DCC: variants seen among roughly 807,000 people sequenced by gnomAD.
DCC encodes the protein DCC netrin 1 receptor.
A neutral mutation model predicts 172.5 loss-of-function variants in DCC; 58 were observed. That is an observed-to-expected ratio of 0.34 (90% CI 0.27 to 0.42). The LOEUF is 0.42. DCC is among the 10% of genes least tolerant of loss of function. The probability of loss-of-function intolerance (pLI) is 1.00; values close to 1 mark genes in which losing one functional copy is unlikely to be tolerated. For missense variants in DCC, 1,740 were observed against 1,791.0 expected (o/e 0.97, Z 0.51); for synonymous variants, 709 against 644.5 (o/e 1.10, Z -1.52).
chr18:52,454,410 G>A (rs574358884), intron 1 of DCC, among the ~76,000 whole-genome samples: 13 of 151,810 alleles, frequency 8.6e-5, no homozygotes, highest in African/African-American at 2.9e-4. Flanking sequence ...CTACCATGAA[G>A]CATCTAAAAT....
At chr18:52,610,446 T>TTGGAAA (rs2034256122) in intron 1 of DCC, among the ~76,000 whole-genome samples, 5 of 145,324 alleles carry the variant, frequency 3.4e-5, no homozygotes, top group African/African-American at 1.3e-4. Context: ...TAAAATACCT[T>TTGGAAA]TGGAAATACT....
intron 25 of DCC, among the ~76,000 whole-genome samples, chr18:53,478,243 A>G (rs1285565976): frequency 1.3e-5 from 2 of 152,218 alleles, no homozygotes; most frequent in African/African-American, 4.8e-5. Flanking sequence ...GTAATCTTTC[A>G]TGCAGGCTAT....
chr18:52,837,235 G>T (rs1163975094), intron 2 of DCC, among the ~76,000 whole-genome samples: 1 of 152,156 alleles, frequency 6.6e-6, no homozygotes, highest in Non-Finnish European at 1.5e-5. Context: ...GACATGCTCT[G>T]GAGACACTTT....
chr18:53,375,248 G>A (rs12957545), intron 15 of DCC, among the ~76,000 whole-genome samples: 62,700 of 151,708 alleles, frequency 0.41, 14,124 homozygotes, highest in African/African-American at 0.59. Flanking sequence ...TATCTTTATA[G>A]TTCTTTCTGT....
At chr18:53,515,790 A>T (rs2046326489) in intron 27 of DCC, among the ~76,000 whole-genome samples, 1 of 151,956 alleles carries the variant, frequency 6.6e-6, no homozygotes, top group Non-Finnish European at 1.5e-5. Context: ...CTGCTCAAGG[A>T]AATAAAAGAG....
At chr18:52,830,551 C>A (rs1382877265) in intron 2 of DCC, among the ~76,000 whole-genome samples, 1 of 151,988 alleles carries the variant, frequency 6.6e-6, no homozygotes, top group Non-Finnish European at 1.5e-5. Flanking sequence ...GATGAAATTG[C>A]ACAGTCACAC....
intron 1 of DCC, among the ~76,000 whole-genome samples, chr18:52,615,521 C>T (rs558061783): frequency 6.6e-6 from 1 of 152,272 alleles, no homozygotes; most frequent in East Asian, 1.9e-4. Context: ...AGTATCTAGT[C>T]AGGCTTTAAA....
intron 1 of DCC, among the ~76,000 whole-genome samples, chr18:52,641,459 A>G (rs1240766021): frequency 2.0e-5 from 3 of 152,234 alleles, no homozygotes; most frequent in African/African-American, 4.8e-5. Context: ...TTCACTATCT[A>G]TACATCTGAC....
chr18:53,387,827 C>A (rs1259335266), intron 16 of DCC, among the ~76,000 whole-genome samples: 1 of 152,142 alleles, frequency 6.6e-6, no homozygotes, highest in Admixed American at 6.6e-5. Context: ...ATACTACAGT[C>A]GGTCTTTTCA....
chr18:53,455,924 C>T (rs1412243589), intron 23 of DCC, among the ~76,000 whole-genome samples: 1 of 152,168 alleles, frequency 6.6e-6, no homozygotes, highest in Non-Finnish European at 1.5e-5. Context: ...GACACATAGT[C>T]AATCATCCAT....
At chr18:52,589,800 T>G (rs2033757404) in intron 1 of DCC, among the ~76,000 whole-genome samples, 2 of 152,172 alleles carry the variant, frequency 1.3e-5, no homozygotes, top group African/African-American at 4.8e-5. Context: ...TATGTGGAAT[T>G]AAAGCAAGTT....
At chr18:52,520,338 T>C (rs2031773660) in intron 1 of DCC, among the ~76,000 whole-genome samples, 2 of 152,252 alleles carry the variant, frequency 1.3e-5, no homozygotes, top group Admixed American at 1.3e-4. Context: ...AAGTGGTTAC[T>C]GCTATAATCA....
At chr18:53,253,456 G>A (rs143737017) in intron 12 of DCC, among the ~76,000 whole-genome samples, 1 of 151,990 alleles carries the variant, frequency 6.6e-6, no homozygotes, top group Non-Finnish European at 1.5e-5. Flanking sequence ...TAGAATCACA[G>A]CTTCAATTAA....
intron 1 of DCC, among the ~76,000 whole-genome samples, chr18:52,708,311 G>A (rs1360729430): frequency 3.9e-5 from 6 of 152,012 alleles, no homozygotes; most frequent in East Asian, 1.9e-4. Flanking sequence ...GCGTGGTGGC[G>A]GGCGCCTGTA....
chr18:53,236,358 A>G (rs1029667708), intron 12 of DCC, among the ~76,000 whole-genome samples: 7 of 152,114 alleles, frequency 4.6e-5, no homozygotes, highest in African/African-American at 1.7e-4. Context: ...ATATTTGACC[A>G]TTTGAAGATT....
At chr18:53,370,748 A>G (rs948320523) in intron 15 of DCC, among the ~76,000 whole-genome samples, 22 of 151,844 alleles carry the variant, frequency 1.4e-4, no homozygotes, top group Admixed American at 1.4e-3. Context: ...TTTATCTCTC[A>G]CTATGCATTG....
At chr18:52,765,807 A>T (rs567629766) in intron 2 of DCC, among the ~76,000 whole-genome samples, 30 of 152,260 alleles carry the variant, frequency 2.0e-4, no homozygotes, top group Admixed American at 1.8e-3. Context: ...CTCAGAATCT[A>T]TCTCTTGGCC....
At chr18:52,606,224 CA>C (rs2034127552) in intron 1 of DCC, among the ~76,000 whole-genome samples, 1 of 152,000 alleles carries the variant, frequency 6.6e-6, no homozygotes, top group Non-Finnish European at 1.5e-5. Flanking sequence ...GAACACAAAG[CA>C]ATTACTACTA....
intron 1 of DCC, among the ~76,000 whole-genome samples, chr18:52,654,616 A>C (rs2144931788): frequency 6.6e-6 from 1 of 152,312 alleles, no homozygotes; most frequent in South Asian, 2.1e-4. Context: ...GACACTGGAA[A>C]GATTGGATTA....
Sources: allele counts gnomAD v4.1 joint callset (sites outside exome capture counted in the v4.1 genomes callset), GRCh38; gene constraint gnomAD v4.1.1; transcripts MANE v1.5; gene names NCBI Gene and HGNC (gene_info 2026-07-23, HGNC 2026-07-21).